Variants in TMEM272 observed in about 807,000 individuals in gnomAD.
The protein encoded by TMEM272 is transmembrane protein 272, also known as long intergenic non-protein coding RNA 282.
Under a neutral mutation model 3.7 loss-of-function variants are expected in TMEM272, and 8 were observed. The observed-to-expected ratio is 2.17, with a 90% CI of 1.27 to 3.91. TMEM272 has a LOEUF of 3.91. Ranked by LOEUF, TMEM272 falls within the 30% of genes most tolerant of loss-of-function variation. The probability of loss-of-function intolerance (pLI) is 0.00; values close to 1 mark genes in which losing one functional copy is unlikely to be tolerated. For missense variants in TMEM272, 166 were observed against 91.5 expected, an observed-to-expected ratio of 1.81 and a Z score of -3.32; for synonymous variants, 63 against 39.8, an observed-to-expected ratio of 1.58 and a Z score of -2.20.
chr13:51,899,423 C>T, the TMEM272 span, among the ~76,000 whole-genome samples: 2 of 152,156 alleles, frequency 1.3e-5, no homozygotes, highest in Admixed American at 6.6e-5. Flanking sequence ...TACTTCTAAT[C>T]AGCAACATTT....
the TMEM272 span, among the ~76,000 whole-genome samples, chr13:51,890,295 C>T: frequency 2.0e-5 from 3 of 152,114 alleles, no homozygotes; most frequent in African/African-American, 7.2e-5. Context: ...GAGGGTGGAT[C>T]CCTCATGAAC....
chr13:51,854,453 C>T, the TMEM272 span, among the ~76,000 whole-genome samples: 2 of 152,306 alleles, frequency 1.3e-5, no homozygotes, highest in East Asian at 3.9e-4. Context: ...ATTTGATCAC[C>T]TTTTGCATCT....
the TMEM272 span, among the ~76,000 whole-genome samples, chr13:51,900,212 C>T: frequency 2.0e-5 from 3 of 152,104 alleles, no homozygotes; most frequent in South Asian, 6.2e-4. Context: ...AAGACAGCCA[C>T]AAAATGGGAG....
At chr13:51,824,642 T>C (rs1462690118) in intron 3 of TMEM272, among the ~76,000 whole-genome samples, 1 of 152,178 alleles carries the variant, frequency 6.6e-6, no homozygotes, top group Non-Finnish European at 1.5e-5. Flanking sequence ...GGATGAATTG[T>C]TGCAGTTAAG....
chr13:51,862,683 T>C, the TMEM272 span, among the ~76,000 whole-genome samples: 4 of 151,780 alleles, frequency 2.6e-5, no homozygotes, highest in South Asian at 4.2e-4. Context: ...CTGGAGGAGG[T>C]ATCTGAGTGC....
chr13:51,932,652 T>G, the TMEM272 span: 1 of 152,222 alleles, frequency 6.6e-6, no homozygotes, highest in Non-Finnish European at 1.5e-5. Context: ...TGACCACGCA[T>G]CTCACTCACA....
intron 2 of TMEM272, among the ~76,000 whole-genome samples, chr13:51,829,565 T>C (rs914154393): frequency 1.9e-4 from 29 of 152,166 alleles, no homozygotes; most frequent in Admixed American, 9.2e-4. Context: ...TGGCAAAGGA[T>C]AGAAATTCAA....
At chr13:51,818,409 A>G (rs1419662265) in intron 4 of TMEM272, among the ~76,000 whole-genome samples, 1 of 152,218 alleles carries the variant, frequency 6.6e-6, no homozygotes, top group Non-Finnish European at 1.5e-5. Context: ...TGCAGGGTCT[A>G]GTGGCCCACA....
At chr13:51,926,578 G>A in the TMEM272 span, among the ~76,000 whole-genome samples, 1 of 119,220 alleles carries the variant, frequency 8.4e-6, no homozygotes, top group Non-Finnish European at 1.6e-5. Context: ...CCCGTGAGAG[G>A]CAAAACAGGT....
In TMEM272 at chr13:51,813,765, T is replaced by C. The variant is rs948504051; in HGVS notation, c.*2986A>G. ...TTACTGCTTTCAACTGTCATTTATA[T>C]AGATTCAGGCAAAGAATGGTTTTTA... On this transcript the variant is annotated 3_prime_UTR_variant, in exon 5 of 5. Transcript: ENST00000629372. 1 of 153,514 alleles carries C rather than the reference T, an allele frequency of 6.5e-6. No homozygotes were observed. The highest frequency in any genetic ancestry group is 6.5e-5 in the Admixed American group (1 of 15,324). The allele number at this position is 153,514 out of a possible 1,614,324, so 9.5% of individuals were successfully genotyped here.
chr13:51,908,545 G>C, the TMEM272 span: 1 of 1,480,868 alleles, frequency 6.8e-7, no homozygotes, highest in Non-Finnish European at 9.4e-7. Flanking sequence ...ATTGAAGCAA[G>C]AGGTGGAGGA....
the TMEM272 span, among the ~76,000 whole-genome samples, chr13:51,873,983 A>C: frequency 6.6e-6 from 1 of 152,258 alleles, no homozygotes; most frequent in South Asian, 2.1e-4. Flanking sequence ...CCTTACAGCC[A>C]GAACTCAGAC....
At position 51,815,050 on chromosome 13, in the gene TMEM272, A is replaced by G. The variant is rs1185302977; in HGVS notation, c.*1701T>C. ...GGCTGACGAGTCATGGACTGGGGAAAGGAGGGTGGGAGAGGAGCCCATGGA... is the reference window on the plus strand; with the variant it reads ...GGCTGACGAGTCATGGACTGGGGAAGGGAGGGTGGGAGAGGAGCCCATGGA... On this transcript the variant is annotated 3_prime_UTR_variant, in exon 5 of 5. Coordinates refer to ENST00000629372, the MANE Select transcript of TMEM272 (RefSeq NM_001351003.2). The G allele has an allele frequency of 1.3e-5, 2 of 152,728 alleles. No individual in the cohort carries two copies. The highest frequency in any genetic ancestry group is 2.4e-5 in the African/African-American group (1 of 41,438). 9.5% of individuals were successfully genotyped at this position (152,728 alleles called of 1,614,324 possible).
the TMEM272 span, among the ~76,000 whole-genome samples, chr13:51,860,472 C>T: frequency 6.6e-6 from 1 of 151,674 alleles, no homozygotes; most frequent in Non-Finnish European, 1.5e-5. Context: ...AACCTTATCT[C>T]TAAAAAAACA....
chr13:51,868,336 A>C, the TMEM272 span, among the ~76,000 whole-genome samples: 4 of 152,222 alleles, frequency 2.6e-5, no homozygotes, highest in African/African-American at 9.6e-5. Context: ...TCTCTGAGAG[A>C]GCACTACAGC....
intron 4 of TMEM272, among the ~76,000 whole-genome samples, chr13:51,817,558 A>C (rs1468128869): frequency 6.6e-6 from 1 of 152,188 alleles, no homozygotes; most frequent in Non-Finnish European, 1.5e-5. Context: ...AACCCCTAGC[A>C]GACTTTTCCC....
chr13:51,854,780 T>C, the TMEM272 span, among the ~76,000 whole-genome samples: 2 of 152,244 alleles, frequency 1.3e-5, no homozygotes, highest in African/African-American at 4.8e-5. Flanking sequence ...ACCGAGGGCA[T>C]AGGAAATCAA....
the TMEM272 span, among the ~76,000 whole-genome samples, chr13:51,886,150 G>GT: frequency 1.1e-4 from 16 of 152,270 alleles, no homozygotes; most frequent in African/African-American, 3.9e-4. Context: ...TGGGAAGGTG[G>GT]TGTAGAGATC....
At chr13:51,884,033 G>A in the TMEM272 span, among the ~76,000 whole-genome samples, 1 of 152,198 alleles carries the variant, frequency 6.6e-6, no homozygotes, top group Non-Finnish European at 1.5e-5. Context: ...GCAACGTGGA[G>A]GGACTAGGTT....
Sources: gnomAD v4.1 joint callset for allele counts (sites outside exome capture counted in the v4.1 genomes callset) on GRCh38, gnomAD v4.1.1 for gene constraint, MANE v1.5 for transcripts, NCBI Gene and HGNC (gene_info 2026-07-23, HGNC 2026-07-21) for gene names.